Variants in S1PR5 observed in about 807,000 individuals in gnomAD.
S1PR5 encodes the protein sphingosine 1-phosphate receptor 5.
For missense variants in S1PR5, 583 were observed against 571.7 expected (o/e 1.02, Z -0.20); for synonymous variants, 307 against 284.7 (o/e 1.08, Z -0.79).
rs780815612 is a variant in S1PR5 at position 10,514,881 on chromosome 19, A to G, written c.131T>C (p.Leu44Pro). ...AGLRADAVVC[L>P]AVCAFIVLEN... is the part of the protein sequence containing the mutation. ...TAGCACGATGAAGGCGCACACCGCCAGGCACACCACGGCGTCGGCGCGCAG... is the reference window on the plus strand; with the variant it reads ...TAGCACGATGAAGGCGCACACCGCCGGGCACACCACGGCGTCGGCGCGCAG... The change falls in exon 2 of 2, where the codon CTG (leucine) becomes CCG (proline). Residue 44 changes from leucine (L) to proline (P), a missense_variant. Coordinates refer to ENST00000333430, the MANE Select transcript of S1PR5 (RefSeq NM_030760.5). The G allele has an allele frequency of 6.2e-7, 1 of 1,612,350 alleles. No individual in the cohort carries two copies. The highest frequency in any genetic ancestry group is 1.7e-5 in the Admixed American group (1 of 59,948).
At position 10,514,513 on chromosome 19, in the gene S1PR5, G is replaced by C; in HGVS notation, c.499C>G (p.Leu167Val). The stretch of plus-strand genomic sequence containing the variant: ...CAATTCCAGCCCAGCGCTGGCAGGA[G>C]CCCGAGGAGCAGCGACACGCCCCAG... ...AAWGVSLLLG[L>V]LPALGWNCLG... The change falls in exon 2 of 2, where the codon CTC becomes GTC. Residue 167 changes from leucine (L) to valine (V), a missense_variant. By Grantham distance (32) the Leu-to-Val change is conservative. Coordinates refer to ENST00000333430, the MANE Select transcript of S1PR5 (RefSeq NM_030760.5). The C allele has an allele frequency of 1.3e-6, 2 of 1,596,818 alleles. No homozygotes were observed. The highest frequency in any genetic ancestry group is 1.7e-6 in the Non-Finnish European group (2 of 1,172,872).
In S1PR5 at chr19:10,514,724, C is replaced by T; in HGVS notation, c.288G>A (p.Ser96=). 1 of 1,611,452 alleles carries T rather than the reference C, an allele frequency of 6.2e-7. No individual in the cohort carries two copies. ...GAAYAANILL[S]GPLTLKLSPA... ...GGGACAGTTTCAGCGTGAGCGGCCC[C>T]GACAGTAGGATGTTGGCGGCGTAGG... Residue 96 remains serine, a synonymous_variant, in exon 2 of 2, where the codon TCG becomes TCA. Transcript: ENST00000333430.
At position 10,514,914 on chromosome 19, in the gene S1PR5, C is replaced by G; in HGVS notation, c.98G>C (p.Gly33Ala). The G allele has an allele frequency of 6.8e-6, 11 of 1,610,604 alleles. No homozygotes were observed. Among genetic ancestry groups the G allele is most frequent in the Non-Finnish European group, 9.3e-6 (11 of 1,178,942 alleles). ...GKLRGARYQP[G>A]AGLRADAVVC... is the part of the protein sequence containing the mutation. ...CACGGCGTCGGCGCGCAGGCCGGCA[C>G]CCGGCTGGTAGCGCGCACCGCGGAG... Residue 33 changes from glycine to alanine, a missense_variant, in exon 2 of 2, where the codon GGT (glycine) becomes GCT (alanine). Transcript: ENST00000333430.
chr19:10,515,508 G>A (rs971492059), intron 1 of S1PR5, among the ~76,000 whole-genome samples: 1 of 152,150 alleles, frequency 6.6e-6, no homozygotes, highest in Non-Finnish European at 1.5e-5. Flanking sequence ...AGCTACTCCA[G>A]AGGCTGAGGC....
In S1PR5 at chr19:10,513,955, GC is replaced by G; in HGVS notation, c.1056del (p.Pro354ArgfsTer105). The G allele has an allele frequency of 1.3e-6, 2 of 1,598,664 alleles. No homozygotes were observed. Among genetic ancestry groups the G allele is most frequent in the Non-Finnish European group, 8.5e-7 (1 of 1,173,820 alleles). ...CTGAAGCTCCCATCAAGGCCCGGGGGCAGGCAGCGGCGCAGGCCCCCGGAAG... is the reference window on the plus strand; with the variant it reads ...CTGAAGCTCCCATCAAGGCCCGGGGGAGGCAGCGGCGCAGGCCCCCGGAAG... ...AEASGGLRRC[L>X]PPGLDGSFSG... On this transcript the variant is annotated frameshift_variant, in exon 2 of 2. Coordinates refer to ENST00000333430, the MANE Select transcript of S1PR5 (RefSeq NM_030760.5). LOFTEE classifies it low-confidence loss of function (END_TRUNC).
In S1PR5 at chr19:10,514,502, C is replaced by G; in HGVS notation, c.510G>C (p.Ala170=). The part of the protein sequence containing the change: ...GVSLLLGLLP[A]LGWNCLGRLD... ...GGCGACCCAGGCAATTCCAGCCCAG[C>G]GCTGGCAGGAGCCCGAGGAGCAGCG... Residue 170 remains alanine, a synonymous_variant, in exon 2 of 2, where the codon GCG becomes GCC. Coordinates refer to ENST00000333430, the MANE Select transcript of S1PR5 (RefSeq NM_030760.5). 6.2e-7 allele frequency: 1 copy of G among 1,600,700 alleles called. No homozygotes were observed. Among genetic ancestry groups the G allele is most frequent in the Non-Finnish European group, 8.5e-7 (1 of 1,174,544 alleles).
In S1PR5 at chr19:10,517,408, G is replaced by A; in HGVS notation, c.-29C>T. 1.0e-6 allele frequency: 1 copy of A among 985,632 alleles called. No individual in the cohort carries two copies. Among genetic ancestry groups the A allele is most frequent in the Non-Finnish European group, 1.2e-6 (1 of 830,080 alleles). The allele number at this position is 985,632 out of a possible 1,614,324, so 61.1% of individuals were successfully genotyped here. A position where few individuals can be genotyped will look rare whatever the true frequency, so the allele number is the denominator to read the frequency against. On this transcript the variant is annotated 5_prime_UTR_variant, in exon 1 of 2. Transcript: ENST00000333430. Reference sequence around the variant, plus strand: ...GTGCAGTCCACTCACTCTGCGCCCTGGTCGTGCGCCACCCGCAGTCGCGCT... The same window carrying A: ...GTGCAGTCCACTCACTCTGCGCCCTAGTCGTGCGCCACCCGCAGTCGCGCT...
At position 10,512,820 on chromosome 19, in the gene S1PR5, A is replaced by G. The variant is rs1382356171; in HGVS notation, c.*995T>C. ...AGCTACTAGGGAGGCTGAAGCAGGA[A>G]CTCCAGGCTTGATCCCAGGAGTTCC... is the stretch of plus-strand genomic sequence containing the variant. On this transcript the variant is annotated 3_prime_UTR_variant, in exon 2 of 2. Coordinates refer to ENST00000333430, the MANE Select transcript of S1PR5 (RefSeq NM_030760.5). 3 of 150,600 alleles carry G rather than the reference A, an allele frequency of 2.0e-5. No individual in the cohort carries two copies. Among genetic ancestry groups the G allele is most frequent in the African/African-American group, 7.3e-5 (3 of 40,910 alleles). 9.3% of individuals were successfully genotyped at this position (150,600 alleles called of 1,614,324 possible). A position where few individuals can be genotyped will look rare whatever the true frequency, so the allele number is the denominator to read the frequency against.
chr19:10,517,789 TG>T, upstream of S1PR5: 1 of 793,482 alleles, frequency 1.3e-6, no homozygotes, highest in Non-Finnish European at 1.5e-6. Flanking sequence ...CTGTCCTGGG[TG>T]TCCGGGCACT....
intron 1 of S1PR5, among the ~76,000 whole-genome samples, chr19:10,515,566 T>A (rs1293394350): frequency 2.6e-5 from 4 of 151,804 alleles, no homozygotes. Flanking sequence ...TGAGCCGAGA[T>A]CGCATCACTG....
Position 10,514,940 on chromosome 19 carries a change from C to T in S1PR5, c.72G>A (p.Lys24=). Residue 24 remains lysine (K), a synonymous_variant, in exon 2 of 2, where the codon AAG becomes AAA. Transcript: ENST00000333430. ...VIVLHYNYTG[K]LRGARYQPGA... is the part of the protein sequence containing the mutation. ...CCGGCTGGTAGCGCGCACCGCGGAGCTTGCCGGTGTAGTTGTAATGCAGGA... is the reference window on the plus strand; with the variant it reads ...CCGGCTGGTAGCGCGCACCGCGGAGTTTGCCGGTGTAGTTGTAATGCAGGA... 2 of 1,607,360 alleles carry T rather than the reference C, an allele frequency of 1.2e-6. No homozygotes were observed. Among genetic ancestry groups the T allele is most frequent in the Non-Finnish European group, 8.5e-7 (1 of 1,178,510 alleles).
Position 10,514,553 on chromosome 19 carries a change from C to T in S1PR5, c.459G>A (p.Ala153=). The part of the protein sequence containing the change: ...APVSSRGRTL[A]MAAAAWGVSL... ...ACACGCCCCAGGCCGCGGCTGCCAT[C>T]GCCAGCGTGCGCCCCCGACTGGAGA... The change falls in exon 2 of 2, where the codon GCG becomes GCA. Residue 153 remains alanine (A), a synonymous_variant. Transcript: ENST00000333430. 3 of 1,577,810 alleles carry T rather than the reference C, an allele frequency of 1.9e-6. No individual in the cohort carries two copies. The highest frequency in any genetic ancestry group is 2.6e-6 in the Non-Finnish European group (3 of 1,163,334).
Position 10,513,847 on chromosome 19 carries a change from G to T in S1PR5, c.1165C>A (p.Arg389=), listed in dbSNP as rs1483963674. The change falls in exon 2 of 2, where the codon CGG becomes AGG. Residue 389 remains arginine, a synonymous_variant. Transcript: ENST00000333430. ...TGSPGAPTAA[R]TLVSEPAAD The stretch of plus-strand genomic sequence containing the variant: ...GCAGCCGGTTCTGATACCAGAGTCC[G>T]GGCGGCTGTGGGTGCACCGGGGCTG... 6.2e-7 allele frequency: 1 copy of T among 1,612,420 alleles called. No individual in the cohort carries two copies. Among genetic ancestry groups the T allele is most frequent in the Non-Finnish European group, 8.5e-7 (1 of 1,179,844 alleles).
rs1014116033 is a variant in S1PR5, at chr19:10,514,580, G to C, written c.432C>G (p.Pro144=). The C allele has an allele frequency of 2.8e-5, 44 of 1,576,898 alleles. No homozygotes were observed. Among genetic ancestry groups the C allele is most frequent in the East Asian group, 1.4e-4 (6 of 42,952 alleles). ...SLTMARRGPA[P]VSSRGRTLAM... ...CCAGCGTGCGCCCCCGACTGGAGAC[G>C]GGCGCGGGCCCCCTGCGCGCCATGG... The change falls in exon 2 of 2, where the codon CCC becomes CCG. Residue 144 remains proline (P), a synonymous_variant. Coordinates refer to ENST00000333430, the MANE Select transcript of S1PR5 (RefSeq NM_030760.5).
Position 10,515,004 on chromosome 19 carries a change from G to C in S1PR5, c.8C>G (p.Ser3Trp). Residue 3 changes from serine (S) to tryptophan (W), a missense_variant, in exon 2 of 2, where the codon TCG becomes TGG. Coordinates refer to ENST00000333430, the MANE Select transcript of S1PR5 (RefSeq NM_030760.5). The stretch of plus-strand genomic sequence containing the variant: ...CACCGGCGCCGGCCGCAGCAGCCCC[G>C]ACTCCATGGGCCGCGCGCCCCAAGG... Reference protein sequence around the residue: MESGLLRPAPVSE... With the variant: MEWGLLRPAPVSE... 1 of 1,559,096 alleles carries C rather than the reference G, an allele frequency of 6.4e-7. No individual in the cohort carries two copies. The highest frequency in any genetic ancestry group is 8.6e-7 in the Non-Finnish European group (1 of 1,158,342).
At position 10,517,436 on chromosome 19, in the gene S1PR5, C is replaced by T; in HGVS notation, c.-57G>A. On this transcript the variant is annotated 5_prime_UTR_variant, in exon 1 of 2. Transcript: ENST00000333430. ...CGTGCGCCACCCGCAGTCGCGCTGC[C>T]TTGAACCGAGTGAGCGGACGCCGCT... 2.0e-6 allele frequency: 2 copies of T among 985,680 alleles called. No individual in the cohort carries two copies. The highest frequency in any genetic ancestry group is 2.4e-6 in the Non-Finnish European group (2 of 830,126). 61.1% of individuals were successfully genotyped at this position (985,680 alleles called of 1,614,324 possible). A position where few individuals can be genotyped will look rare whatever the true frequency, so the allele number is the denominator to read the frequency against.
chr19:10,513,918 C>G lies in S1PR5; in HGVS notation c.1094G>C (p.Arg365Pro), dbSNP rs747331583. ...GLDGSFSGSE[R>P]SSPQRDGLDT... ...CAGCCCGTCGCGCTGGGGCGATGAG[C>G]GCTCCGAGCCGCTGAAGCTCCCATC... is the stretch of plus-strand genomic sequence containing the variant. The change falls in exon 2 of 2, where the codon CGC becomes CCC. Residue 365 changes from arginine to proline, a missense_variant. Arg to Pro is a moderately radical substitution (Grantham distance 103, BLOSUM62 -2). Coordinates refer to ENST00000333430, the MANE Select transcript of S1PR5 (RefSeq NM_030760.5). 1.2e-5 allele frequency: 20 copies of G among 1,604,560 alleles called. No individual in the cohort carries two copies. In the Middle Eastern group the frequency reaches 7.8e-4, roughly 63 times the overall value.
At position 10,513,947 on chromosome 19, in the gene S1PR5, G is replaced by A. The variant is rs773404984; in HGVS notation, c.1065C>T (p.Gly355=). Residue 355 remains glycine (G), a synonymous_variant, in exon 2 of 2, where the codon GGC becomes GGT. Transcript: ENST00000333430. The part of the protein sequence containing the change: ...SGGLRRCLPP[G]LDGSFSGSER... ...CCGAGCCGCTGAAGCTCCCATCAAGGCCCGGGGGCAGGCAGCGGCGCAGGC... is the reference window on the plus strand; with the variant it reads ...CCGAGCCGCTGAAGCTCCCATCAAGACCCGGGGGCAGGCAGCGGCGCAGGC... 1.2e-6 allele frequency: 2 copies of A among 1,602,074 alleles called. No homozygotes were observed. The highest frequency in any genetic ancestry group is 4.5e-5 in the East Asian group (2 of 44,568).
In S1PR5 at chr19:10,513,691, G is replaced by A. The variant is rs183718565; in HGVS notation, c.*124C>T. On this transcript the variant is annotated 3_prime_UTR_variant, in exon 2 of 2. Transcript: ENST00000333430. ...CTGTTTGTTCACATTGTGGGGTGTC[G>A]CTGCATAAATACATTTCCCCTGCAT... 1.5e-6 allele frequency: 2 copies of A among 1,339,914 alleles called. No individual in the cohort carries two copies. Among genetic ancestry groups the A allele is most frequent in the East Asian group, 2.5e-5 (1 of 40,666 alleles). The allele number at this position is 1,339,914 out of a possible 1,614,324, so 83.0% of individuals were successfully genotyped here. A position where few individuals can be genotyped will look rare whatever the true frequency, so the allele number is the denominator to read the frequency against.
Sources: gnomAD v4.1 joint callset for allele counts (sites outside exome capture counted in the v4.1 genomes callset) on GRCh38, gnomAD v4.1.1 for gene constraint, MANE v1.5 for transcripts, NCBI Gene and HGNC (gene_info 2026-07-23, HGNC 2026-07-21) for gene names.